SV2B: variants seen among roughly 807,000 people sequenced by gnomAD.
SV2B encodes the protein synaptic vesicle glycoprotein 2B, also known as solute carrier family 22 member B2.
In SV2B, 41 loss-of-function variants were observed where a neutral mutation model predicts 73.9. The ratio of observed to expected loss-of-function variants is 0.56; its 90% confidence interval spans 0.43 to 0.72. The LOEUF is 0.72. SV2B is among the 30% of genes least tolerant of loss of function. SV2B has a pLI of 0.00. For synonymous variants in SV2B, 314 were observed against 314.2 expected, an observed-to-expected ratio of 1.00 and a Z score of 0.01; for missense variants, 764 against 857.8, an observed-to-expected ratio of 0.89 and a Z score of 1.37.
Position 91,132,448 on chromosome 15 carries a change from GT to G in SV2B, c.-392+32087del, listed in dbSNP as rs1431357992. ...ACTTGGCCTGCAATCAGTCTGATTG[GT>G]TGTGGACAGCAACCATTCAGAGGCT... On this transcript the variant is annotated intron_variant, in intron 1 of 12. Coordinates refer to ENST00000394232, the MANE Select transcript of SV2B (RefSeq NM_001323032.3). This position sits in a 1 kb window ranked among gnomAD's most constrained non-coding sequence, Gnocchi z 4.6. 6.6e-6 allele frequency among the ~76,000 whole-genome samples: 1 copy of G among 152,210 alleles called. No individual in the cohort carries two copies. The highest frequency in any genetic ancestry group is 1.9e-4 in the East Asian group (1 of 5,198).
rs370648363 is a variant in SV2B at position 91,110,505 on chromosome 15, C to T, written c.-392+10142C>T. Among the ~76,000 whole-genome samples, 8 of 152,228 alleles carry T rather than the reference C, an allele frequency of 5.3e-5. No individual in the cohort carries two copies. The East Asian group carries it at 9.6e-4, about 18-fold the overall frequency. On this transcript the variant is annotated intron_variant, in intron 1 of 12. Coordinates refer to ENST00000394232, the MANE Select transcript of SV2B (RefSeq NM_001323032.3). This position sits in a 1 kb window ranked among gnomAD's most constrained non-coding sequence, Gnocchi z 5.4. The stretch of plus-strand genomic sequence containing the variant: ...CAGAGCCCAGGCCCAGTGAGGGTGG[C>T]TCCTGTGTTGCCTGCCATCCCTGCT...
chr15:91,184,086 T>G (rs1284454848), intron 1 of SV2B, among the ~76,000 whole-genome samples: 1 of 152,220 alleles, frequency 6.6e-6, no homozygotes, highest in Non-Finnish European at 1.5e-5. Flanking sequence ...TATTGTGAAT[T>G]CAGTGCATGA....
At chr15:91,270,930 G>A (rs1198447172) in intron 9 of SV2B, among the ~76,000 whole-genome samples, 1 of 148,268 alleles carries the variant, frequency 6.7e-6, no homozygotes, top group Admixed American at 6.6e-5. Flanking sequence ...TGGGAGGACG[G>A]TGAGTCCTGT....
Position 91,281,742 on chromosome 15 carries a change from A to G in SV2B, c.1388A>G (p.Tyr463Cys). ...KLVNDKFTRM[Y>C]FKHVLFEDTF... is the part of the protein sequence containing the mutation. ...TCTTCCCACAGGTTCACAAGAATGT[A>G]CTTTAAACATGTACTCTTTGAGGAC... Residue 463 changes from tyrosine to cysteine, a missense_variant, in exon 10 of 13, where the codon TAC becomes TGC. Tyr to Cys is a radical substitution (Grantham distance 194). Coordinates refer to ENST00000394232, the MANE Select transcript of SV2B (RefSeq NM_001323032.3). The surrounding 1 kb of genome is among the most constrained non-coding windows in gnomAD (Gnocchi z 4.7). 1.9e-6 allele frequency: 3 copies of G among 1,608,396 alleles called. No individual in the cohort carries two copies. Among genetic ancestry groups the G allele is most frequent in the Non-Finnish European group, 2.6e-6 (3 of 1,176,142 alleles).
In SV2B at chr15:91,140,073, A is replaced by G. The variant is rs191392722; in HGVS notation, c.-392+39710A>G. ...CAGGCTCTTGGGTCCTGACCCAGAC[A>G]TAATAAATCAGAAACTCAGAGGATG... On this transcript the variant is annotated intron_variant, in intron 1 of 12. Transcript: ENST00000394232. The surrounding 1 kb of genome is among the most constrained non-coding windows in gnomAD (Gnocchi z 4.4). 2.0e-5 allele frequency among the ~76,000 whole-genome samples: 3 copies of G among 152,350 alleles called. No homozygotes were observed. The highest frequency in any genetic ancestry group is 2.0e-4 in the Admixed American group (3 of 15,306).
intron 1 of SV2B, among the ~76,000 whole-genome samples, chr15:91,187,161 G>C (rs952468229): frequency 6.6e-6 from 1 of 152,198 alleles, no homozygotes; most frequent in East Asian, 1.9e-4. Context: ...TTTAAAAAAA[G>C]TTTATTGGCA....
chr15:91,191,269 T>G (rs115953732), intron 1 of SV2B, among the ~76,000 whole-genome samples: 6,415 of 151,946 alleles, frequency 0.042, 453 homozygotes, highest in African/African-American at 0.15. Flanking sequence ...AAAAACTCCC[T>G]CTTTGATCAA....
rs560698232 is a variant in SV2B at position 91,268,592 on chromosome 15, C to A, written c.1360C>A (p.Leu454Ile). 12 of 1,613,142 alleles carry A rather than the reference C, an allele frequency of 7.4e-6. No homozygotes were observed. The South Asian group carries it at 1.1e-4, about 15-fold the overall frequency. ...MENQIHQHGK[L>I]VNDKFTRMYF... ...AAATCAGATCCACCAACATGGGAAA[C>A]TTGTGAATGATAAGTAAGTGAGTGA... The change falls in exon 9 of 13, where the codon CTT becomes ATT. Residue 454 changes from leucine (L) to isoleucine (I), a missense_variant. By Grantham distance (5) the Leu-to-Ile change is conservative. Coordinates refer to ENST00000394232, the MANE Select transcript of SV2B (RefSeq NM_001323032.3). The surrounding 1 kb of genome is among the most constrained non-coding windows in gnomAD (Gnocchi z 4.4).
chr15:91,157,284 G>T (rs1455119662), intron 1 of SV2B, among the ~76,000 whole-genome samples: 1 of 152,116 alleles, frequency 6.6e-6, no homozygotes, highest in African/African-American at 2.4e-5. Flanking sequence ...TCTCTGTGAG[G>T]CTCCAAGAAA....
chr15:91,209,628 C>A (rs2045781418), intron 1 of SV2B, among the ~76,000 whole-genome samples: 1 of 152,132 alleles, frequency 6.6e-6, no homozygotes, highest in Admixed American at 6.6e-5. Context: ...TGGGGAAGCC[C>A]AGATATGACT....
intron 1 of SV2B, among the ~76,000 whole-genome samples, chr15:91,219,767 C>A (rs980831400): frequency 5.3e-5 from 8 of 152,124 alleles, no homozygotes; most frequent in Non-Finnish European, 1.0e-4. Flanking sequence ...TGAATTTCCT[C>A]AAGTTTACTT....
chr15:91,177,236 G>C (rs568179019), intron 1 of SV2B, among the ~76,000 whole-genome samples: 1,870 of 152,032 alleles, frequency 0.012, 44 homozygotes, highest in African/African-American at 0.042. Context: ...GCTCTGTTCT[G>C]TTCCATTGAT....
rs561238419 is a variant in SV2B at position 91,266,618 on chromosome 15, T to C, written c.1045T>C (p.Phe349Leu). Residue 349 changes from phenylalanine (F) to leucine (L), a missense_variant, in exon 7 of 13, where the codon TTC (phenylalanine) becomes CTC (leucine). By Grantham distance (22) the Phe-to-Leu change is conservative. Coordinates refer to ENST00000394232, the MANE Select transcript of SV2B (RefSeq NM_001323032.3). ...NIKTPKQMDE[F>L]IEIQSSTGTW... The stretch of plus-strand genomic sequence containing the variant: ...CAAAACTCCCAAGCAAATGGATGAA[T>C]TCATTGAGATCCAAAGTTCAACAGG... 5.9e-5 allele frequency: 96 copies of C among 1,614,186 alleles called. 1 individual carries two copies. The South Asian group carries it at 1.0e-3, about 17-fold the overall frequency.
At chr15:91,144,151 C>A (rs2043078993) in intron 1 of SV2B, among the ~76,000 whole-genome samples, 1 of 152,126 alleles carries the variant, frequency 6.6e-6, no homozygotes, top group Non-Finnish European at 1.5e-5. Context: ...TTGAAGAAGC[C>A]AGATAATGTT....
At chr15:91,204,003 G>A (rs756184368) in intron 1 of SV2B, among the ~76,000 whole-genome samples, 1 of 152,192 alleles carries the variant, frequency 6.6e-6, no homozygotes, top group African/African-American at 2.4e-5. Context: ...AACTTGTTCA[G>A]TTCTGATCAG....
At position 91,241,074 on chromosome 15, in the gene SV2B, C is replaced by T. The variant is rs1049343539; in HGVS notation, c.452-10745C>T. 4.6e-5 allele frequency among the ~76,000 whole-genome samples: 7 copies of T among 152,204 alleles called. No individual in the cohort carries two copies. The highest frequency in any genetic ancestry group is 8.8e-5 in the Non-Finnish European group (6 of 68,030). On this transcript the variant is annotated intron_variant, in intron 2 of 12. Coordinates refer to ENST00000394232, the MANE Select transcript of SV2B (RefSeq NM_001323032.3). The surrounding 1 kb of genome is among the most constrained non-coding windows in gnomAD (Gnocchi z 4.8). The stretch of plus-strand genomic sequence containing the variant: ...GAGAATTTTAGTTCCAGGTTCATCA[C>T]GGTCACATTCCAACCATCTCTCTAT...
rs78351623 is a variant in SV2B at position 91,127,170 on chromosome 15, A to G, written c.-392+26807A>G. 1.2e-4 allele frequency among the ~76,000 whole-genome samples: 18 copies of G among 152,368 alleles called. No homozygotes were observed. The East Asian group carries it at 3.3e-3, about 28-fold the overall frequency. On this transcript the variant is annotated intron_variant, in intron 1 of 12. Transcript: ENST00000394232. Reference sequence around the variant, plus strand: ...TTTTTTGAGGACTGAATGAATGTCAAGCTTCCAGCTCTGAGCTGGGCACGA... The same window carrying G: ...TTTTTTGAGGACTGAATGAATGTCAGGCTTCCAGCTCTGAGCTGGGCACGA...
chr15:91,273,531 A>T (rs1337036495), intron 9 of SV2B, among the ~76,000 whole-genome samples: 2 of 152,162 alleles, frequency 1.3e-5, no homozygotes, highest in African/African-American at 4.8e-5. Flanking sequence ...TAGCAAATAA[A>T]TAAGACCCCT....
At chr15:91,250,780 A>G (rs1270141235) in intron 2 of SV2B, among the ~76,000 whole-genome samples, 1 of 152,228 alleles carries the variant, frequency 6.6e-6, no homozygotes, top group Admixed American at 6.5e-5. Context: ...ACTGAAAACT[A>G]TAAGACATTG....
Sources: allele counts gnomAD v4.1 joint callset (sites outside exome capture counted in the v4.1 genomes callset), GRCh38; gene constraint gnomAD v4.1.1; non-coding constraint Gnocchi (gnomAD v3.1); transcripts MANE v1.5; gene names NCBI Gene and HGNC (gene_info 2026-07-23, HGNC 2026-07-21).